REM1: variants seen among roughly 807,000 people sequenced by gnomAD.
REM1 encodes RRAD and GEM like GTPase 1, also known as GTP-binding protein REM 1.
REM1 carries 20 observed loss-of-function variants against 27.0 expected under a neutral mutation model. The ratio of observed to expected loss-of-function variants is 0.74; its 90% CI spans 0.52 to 1.08. REM1 has a LOEUF of 1.08. Among genes scored for constraint, REM1 ranks in the 50% least tolerant of loss-of-function variants. The pLI, the probability that REM1 is intolerant of heterozygous loss-of-function variation, is 0.00. For synonymous variants in REM1, 159 were observed against 167.9 expected (o/e 0.95, Z 0.41); for missense variants, 405 against 407.0 (o/e 1.00, Z 0.04).
At chr20:31,481,410 T>C (rs1351232937) in intron 3 of REM1, among the ~76,000 whole-genome samples, 1 of 152,056 alleles carries the variant, frequency 6.6e-6, no homozygotes, top group East Asian at 1.9e-4. Flanking sequence ...CTCCCCCTCC[T>C]TCCTAACCCC....
chr20:31,483,329 C>T (rs779375942), intron 4 of REM1, among the ~76,000 whole-genome samples: 3 of 152,252 alleles, frequency 2.0e-5, no homozygotes, highest in Middle Eastern at 6.8e-3. Context: ...CTATGGCTCC[C>T]CTAGCCCCTT....
Position 31,476,440 on chromosome 20 carries a change from C to A in REM1, c.-6C>A. 1 of 1,551,550 alleles carries A rather than the reference C, an allele frequency of 6.4e-7. No homozygotes were observed. The highest frequency in any genetic ancestry group is 8.7e-7 in the Non-Finnish European group (1 of 1,151,330). Reference sequence around the variant, plus strand: ...GAAGGAAGAAGCAAACCCCCCCCTACCAAAGATGACACTCAACACCGAGCA... The same window carrying A: ...GAAGGAAGAAGCAAACCCCCCCCTAACAAAGATGACACTCAACACCGAGCA... On this transcript the variant is annotated 5_prime_UTR_variant, in exon 2 of 5. Transcript: ENST00000201979.
intron 3 of REM1, among the ~76,000 whole-genome samples, chr20:31,478,780 C>T (rs1353061629): frequency 6.7e-6 from 1 of 149,918 alleles, no homozygotes; most frequent in Non-Finnish European, 1.5e-5. Flanking sequence ...CCAAAGCTCT[C>T]AAATAGCAAG....
rs553285126 is a variant in REM1 at position 31,475,579 on chromosome 20, C to G, written c.-220+213C>G. Among the ~76,000 whole-genome samples, 3 of 152,182 alleles carry G rather than the reference C, an allele frequency of 2.0e-5. No homozygotes were observed. The highest frequency in any genetic ancestry group is 4.4e-5 in the Non-Finnish European group (3 of 68,036). On this transcript the variant is annotated intron_variant, in intron 1 of 4. Transcript: ENST00000201979. This position sits in a 1 kb window ranked among gnomAD's most constrained non-coding sequence, Gnocchi z 5.0. ...GATGGGGGATTCACACCCGGGATGCCGGCTGAGAAAGCTCGGACCCAGACT... is the reference window on the plus strand; with the variant it reads ...GATGGGGGATTCACACCCGGGATGCGGGCTGAGAAAGCTCGGACCCAGACT...
chr20:31,477,937 G>A, intron 3 of REM1, 27 bp downstream of exon 3: 1 of 1,466,740 alleles, frequency 6.8e-7, no homozygotes, highest in Non-Finnish European at 9.5e-7. Flanking sequence ...AGAATTTGGG[G>A]AGAGGGGTGC....
In REM1 at chr20:31,484,127, C is replaced by T. The variant is rs558563056; in HGVS notation, c.626-32C>T. ...TTTTTCTCCGCCTTCCGTTATGGCT[C>T]CACCCCTCCTCGCCGGGCCCCGCCC... is the stretch of plus-strand genomic sequence containing the variant. On this transcript the variant is annotated intron_variant, in intron 4 of 4. Transcript: ENST00000201979. The T allele has an allele frequency of 1.0e-5, 16 of 1,541,740 alleles. No individual in the cohort carries two copies. In the East Asian group the frequency reaches 3.3e-4, roughly 32 times the overall value.
intron 4 of REM1, among the ~76,000 whole-genome samples, chr20:31,483,158 G>A (rs1306853116): frequency 6.6e-6 from 1 of 152,128 alleles, no homozygotes; most frequent in Non-Finnish European, 1.5e-5. Flanking sequence ...AAATTAGCCA[G>A]GCATGGTGGT....
At position 31,475,732 on chromosome 20, in the gene REM1, G is replaced by A. The variant is rs1447068454; in HGVS notation, c.-220+366G>A. 1.3e-5 allele frequency among the ~76,000 whole-genome samples: 2 copies of A among 152,210 alleles called. No homozygotes were observed. Among genetic ancestry groups the A allele is most frequent in the Non-Finnish European group, 2.9e-5 (2 of 68,032 alleles). On this transcript the variant is annotated intron_variant, in intron 1 of 4. Transcript: ENST00000201979. The surrounding 1 kb of genome is among the most constrained non-coding windows in gnomAD (Gnocchi z 5.0). ...CCGTCCCCAAAAGCAGTTGGAGGCC[G>A]TAGCGCCAGCCGCTCCTGAATTTTT...
In REM1 at chr20:31,484,259, A is replaced by G. The variant is rs780724003; in HGVS notation, c.726A>G (p.Gln242=). 3.7e-6 allele frequency: 6 copies of G among 1,601,700 alleles called. No homozygotes were observed. In the African/African-American group the frequency reaches 5.3e-5, roughly 14 times the overall value. Residue 242 remains glutamine (Q), a synonymous_variant, in exon 5 of 5, where the codon CAA becomes CAG. Transcript: ENST00000201979. The part of the protein sequence containing the change: ...VAELFEGVVR[Q]LRLRRRDSAA... ...AGCTCTTCGAGGGCGTGGTGCGCCA[A>G]CTGCGCTTGCGCCGCCGGGACAGTG...
chr20:31,476,373 G>T lies in REM1; in HGVS notation c.-73G>T. On this transcript the variant is annotated 5_prime_UTR_variant, in exon 2 of 5. Transcript: ENST00000201979. Reference sequence around the variant, plus strand: ...ACACTATAGAAAGAAGCAGCTCAAAGCAATTGGCTGACAGCCAATTCCCCC... The same window carrying T: ...ACACTATAGAAAGAAGCAGCTCAAATCAATTGGCTGACAGCCAATTCCCCC... 8.0e-7 allele frequency: 1 copy of T among 1,244,694 alleles called. No individual in the cohort carries two copies. The highest frequency in any genetic ancestry group is 2.2e-5 in the Admixed American group (1 of 44,496). 77.1% of individuals were successfully genotyped at this position (1,244,694 alleles called of 1,614,324 possible). A position where few individuals can be genotyped will look rare whatever the true frequency, so the allele number is the denominator to read the frequency against.
chr20:31,482,609 C>G, intron 4 of REM1, 121 bp downstream of exon 4: 1 of 966,022 alleles, frequency 1.0e-6, no homozygotes, highest in Non-Finnish European at 1.6e-6. Context: ...AGCCACTTGC[C>G]TAAGCCTGCA....
intron 3 of REM1, among the ~76,000 whole-genome samples, chr20:31,478,636 G>A (rs955935649): frequency 6.6e-6 from 1 of 152,092 alleles, no homozygotes; most frequent in Admixed American, 6.6e-5. Context: ...GCAAAGAGAA[G>A]GATCTAAAAT....
chr20:31,477,691 A>G, intron 2 of REM1, 137 bp from the exon 3 acceptor site: 2 of 632,646 alleles, frequency 3.2e-6, no homozygotes, highest in Non-Finnish European at 5.8e-6. Flanking sequence ...CAGGAGAGAC[A>G]GGCATCAAAC....
intron 3 of REM1, among the ~76,000 whole-genome samples, chr20:31,479,105 G>A (rs960372309): frequency 1.3e-5 from 2 of 152,144 alleles, no homozygotes; most frequent in Non-Finnish European, 2.9e-5. Flanking sequence ...AAAGTGCTGG[G>A]ATTACAGGCA....
chr20:31,475,531 G>T lies in REM1; in HGVS notation c.-220+165G>T, dbSNP rs1353205073. On this transcript the variant is annotated intron_variant, in intron 1 of 4. Transcript: ENST00000201979. This position sits in a 1 kb window ranked among gnomAD's most constrained non-coding sequence, Gnocchi z 5.0. Reference sequence around the variant, plus strand: ...GGACCCGGAGGGCTGGATAGCCCTGGACAAAGACCCCTCCAACCCCAGGAT... The same window carrying T: ...GGACCCGGAGGGCTGGATAGCCCTGTACAAAGACCCCTCCAACCCCAGGAT... Among the ~76,000 whole-genome samples, 1 of 152,230 alleles carries T rather than the reference G, an allele frequency of 6.6e-6. No homozygotes were observed. Among genetic ancestry groups the T allele is most frequent in the Non-Finnish European group, 1.5e-5 (1 of 68,026 alleles).
intron 2 of REM1, 30 bp from the exon 3 acceptor site, chr20:31,477,798 C>T: frequency 2.5e-6 from 4 of 1,589,476 alleles, no homozygotes; most frequent in Non-Finnish European, 2.6e-6. Flanking sequence ...GCCCGTCCTC[C>T]CTGAGATCCA....
chr20:31,484,270 G>T lies in REM1; in HGVS notation c.737G>T (p.Arg246Leu). Residue 246 changes from arginine to leucine, a missense_variant, in exon 5 of 5, where the codon CGC becomes CTC. Coordinates refer to ENST00000201979, the MANE Select transcript of REM1 (RefSeq NM_014012.6). ...GGCGTGGTGCGCCAACTGCGCTTGCGCCGCCGGGACAGTGCGGCCAAGGAA... is the reference window on the plus strand; with the variant it reads ...GGCGTGGTGCGCCAACTGCGCTTGCTCCGCCGGGACAGTGCGGCCAAGGAA... Reference protein sequence around the residue: ...FEGVVRQLRLRRRDSAAKEPP... With the variant: ...FEGVVRQLRLLRRDSAAKEPP... 6.3e-7 allele frequency: 1 copy of T among 1,596,614 alleles called. No individual in the cohort carries two copies. The highest frequency in any genetic ancestry group is 2.3e-5 in the East Asian group (1 of 44,370).
chr20:31,477,986 G>A (rs944912993), intron 3 of REM1, 76 bp downstream of exon 3: 4 of 905,154 alleles, frequency 4.4e-6, no homozygotes, highest in Admixed American at 3.9e-5. Flanking sequence ...CCCTCCTGGG[G>A]ACACTACAGA....
In REM1 at chr20:31,477,912, T is replaced by C. The variant is rs773434351; in HGVS notation, c.423+2T>C. ...GACACCTGGGAGGCCGAGAAACTGG[T>C]ATGGCACTGCAAGCAGAATTTGGGG... On this transcript the variant is annotated splice_donor_variant, in intron 3 of 4. Coordinates refer to ENST00000201979, the MANE Select transcript of REM1 (RefSeq NM_014012.6). LOFTEE classifies it high-confidence loss of function. The C allele has an allele frequency of 9.4e-6, 15 of 1,596,556 alleles. No homozygotes were observed. The highest frequency in any genetic ancestry group is 1.3e-5 in the Non-Finnish European group (15 of 1,165,628).
Sources: gnomAD v4.1 joint callset for allele counts (sites outside exome capture counted in the v4.1 genomes callset) on GRCh38, gnomAD v4.1.1 for gene constraint, Gnocchi (gnomAD v3.1) non-coding constraint, MANE v1.5 for transcripts, NCBI Gene and HGNC (gene_info 2026-07-23, HGNC 2026-07-21) for gene names.